CATSPERT: variants seen among roughly 807,000 people sequenced by gnomAD.
The protein encoded by CATSPERT is catsper channel auxiliary subunit tau, also known as cation channel sperm-associated targeting subunit tau.
At chr2:201,596,857 C>G in the CATSPERT span, among the ~76,000 whole-genome samples, 1 of 152,126 alleles carries the variant, frequency 6.6e-6, no homozygotes, top group Non-Finnish European at 1.5e-5. Context: ...TCAAAATTCC[C>G]ATTTTGCCCA....
At chr2:201,616,296 C>T in the CATSPERT span, among the ~76,000 whole-genome samples, 1 of 152,114 alleles carries the variant, frequency 6.6e-6, no homozygotes, top group Non-Finnish European at 1.5e-5. Context: ...AACATCGATG[C>T]AAAAATCCTC....
At chr2:201,616,079 A>G in the CATSPERT span, among the ~76,000 whole-genome samples, 122 of 152,334 alleles carry the variant, frequency 8.0e-4, no homozygotes, top group Middle Eastern at 3.4e-3. Flanking sequence ...CCTACCAACC[A>G]AAAAAACTCC....
chr2:201,496,495 A>G, the CATSPERT span, among the ~76,000 whole-genome samples: 2 of 152,210 alleles, frequency 1.3e-5, no homozygotes, highest in Non-Finnish European at 2.9e-5. Flanking sequence ...GGCATGTGCC[A>G]GCACATCTGG....
At chr2:201,603,273 A>T in the CATSPERT span, 1 of 1,610,172 alleles carries the variant, frequency 6.2e-7, no homozygotes, top group South Asian at 1.1e-5. Flanking sequence ...CCAGGCAGCC[A>T]ACCTACAACA....
chr2:201,558,147 A>T, the CATSPERT span: 2 of 152,244 alleles, frequency 1.3e-5, no homozygotes, highest in African/African-American at 4.8e-5. Context: ...CATACCTAGG[A>T]CGACTTCACT....
the CATSPERT span, among the ~76,000 whole-genome samples, chr2:201,584,899 A>G: frequency 2.6e-5 from 4 of 152,198 alleles, no homozygotes; most frequent in African/African-American, 9.7e-5. Context: ...CAGAAACCCA[A>G]ATACAAACAC....
At chr2:201,561,577 A>G in the CATSPERT span, among the ~76,000 whole-genome samples, 2 of 152,192 alleles carry the variant, frequency 1.3e-5, no homozygotes, top group Non-Finnish European at 2.9e-5. Flanking sequence ...TATTATATTT[A>G]AAAGATAATA....
chr2:201,543,774 A>G, the CATSPERT span, among the ~76,000 whole-genome samples: 1 of 152,248 alleles, frequency 6.6e-6, no homozygotes, highest in African/African-American at 2.4e-5. Context: ...AGAATTTTCT[A>G]TATGTAAGAT....
At chr2:201,583,247 A>T in the CATSPERT span, among the ~76,000 whole-genome samples, 27 of 152,166 alleles carry the variant, frequency 1.8e-4, no homozygotes, top group Non-Finnish European at 3.5e-4. Context: ...AGAAGACAAG[A>T]CATGATACAT....
chr2:201,560,776 G>T, the CATSPERT span, among the ~76,000 whole-genome samples: 1 of 151,292 alleles, frequency 6.6e-6, no homozygotes, highest in Non-Finnish European at 1.5e-5. Flanking sequence ...TTTCAGCCTT[G>T]TGAAATCTCT....
At chr2:201,490,551 G>C in the CATSPERT span, among the ~76,000 whole-genome samples, 1 of 152,194 alleles carries the variant, frequency 6.6e-6, no homozygotes, top group Non-Finnish European at 1.5e-5. Flanking sequence ...TCAGCTGGGA[G>C]AATCTGCCCA....
At chr2:201,495,362 A>G in the CATSPERT span, among the ~76,000 whole-genome samples, 1 of 152,192 alleles carries the variant, frequency 6.6e-6, no homozygotes, top group Non-Finnish European at 1.5e-5. Flanking sequence ...ATAATGCCTC[A>G]GAAATGGATG....
At chr2:201,586,083 T>C in the CATSPERT span, among the ~76,000 whole-genome samples, 1 of 152,212 alleles carries the variant, frequency 6.6e-6, no homozygotes, top group Non-Finnish European at 1.5e-5. Context: ...TAATGAACAG[T>C]AAATACGCTT....
At chr2:201,515,917 A>G in the CATSPERT span, among the ~76,000 whole-genome samples, 2 of 152,236 alleles carry the variant, frequency 1.3e-5, no homozygotes, top group East Asian at 3.9e-4. Flanking sequence ...CATCGATTTC[A>G]TTACACACCC....
chr2:201,581,324 T>A, the CATSPERT span, among the ~76,000 whole-genome samples: 1 of 150,504 alleles, frequency 6.6e-6, no homozygotes, highest in Non-Finnish European at 1.5e-5. Flanking sequence ...GAGAATCCCT[T>A]GAGCCAGGGA....
chr2:201,507,132 A>G, the CATSPERT span, among the ~76,000 whole-genome samples: 4 of 152,360 alleles, frequency 2.6e-5, no homozygotes, highest in African/African-American at 9.6e-5. Flanking sequence ...AAAAAAATTC[A>G]AGAGAACTGA....
chr2:201,520,250 T>C, the CATSPERT span, among the ~76,000 whole-genome samples: 1 of 152,228 alleles, frequency 6.6e-6, no homozygotes, highest in African/African-American at 2.4e-5. Context: ...ACTATTAGCA[T>C]TGGAGACATC....
chr2:201,618,131 C>A, the CATSPERT span, among the ~76,000 whole-genome samples: 1 of 152,144 alleles, frequency 6.6e-6, no homozygotes, highest in Admixed American at 6.5e-5. Flanking sequence ...CTAGTTCAAC[C>A]ATTGTGGAAG....
At chr2:201,489,092 G>A in the CATSPERT span, among the ~76,000 whole-genome samples, 1 of 152,030 alleles carries the variant, frequency 6.6e-6, no homozygotes, top group Admixed American at 6.6e-5. Context: ...GGAGATTCCT[G>A]GATTTTAGAA....
Sources: gnomAD v4.1 joint callset for allele counts (sites outside exome capture counted in the v4.1 genomes callset) on GRCh38, gnomAD v4.1.1 for gene constraint, MANE v1.5 for transcripts, NCBI Gene and HGNC (gene_info 2026-07-23, HGNC 2026-07-21) for gene names.